The following RAP1GAP2 variants were observed in gnomAD, a reference collection of about 807,000 sequenced individuals.
RAP1GAP2 encodes the protein RAP1 GTPase activating protein 2.
RAP1GAP2 carries 27 observed loss-of-function variants against 95.0 expected under a neutral mutation model. The observed-to-expected ratio is 0.28, with a 90% CI of 0.21 to 0.39. The LOEUF (loss-of-function observed/expected upper bound fraction) is 0.39, where lower values mean the gene tolerates loss of function less well. Ranked by LOEUF, RAP1GAP2 falls within the 10% of genes least tolerant of loss-of-function variation. RAP1GAP2 has a pLI of 1.00. For missense variants in RAP1GAP2, 771 were observed against 970.0 expected (o/e 0.79, Z 2.72); for synonymous variants, 373 against 380.9 (o/e 0.98, Z 0.24).
At chr17:2,807,747 G>GA (rs1289091699) in intron 2 of RAP1GAP2, among the ~76,000 whole-genome samples, 1 of 152,140 alleles carries the variant, frequency 6.6e-6, no homozygotes, top group African/African-American at 2.4e-5. Flanking sequence ...GGGGCTGGGG[G>GA]AAGGCAGGCC....
At chr17:2,996,834 A>T (rs994053694) in intron 13 of RAP1GAP2, among the ~76,000 whole-genome samples, 1 of 152,232 alleles carries the variant, frequency 6.6e-6, no homozygotes, top group Non-Finnish European at 1.5e-5. Flanking sequence ...AGTGCCCAGC[A>T]CAGTGCTTGG....
intron 17 of RAP1GAP2, among the ~76,000 whole-genome samples, chr17:3,013,814 G>A (rs1039914888): frequency 1.3e-5 from 2 of 151,640 alleles, no homozygotes; most frequent in African/African-American, 4.8e-5. Context: ...CCTGCTATGT[G>A]GGCTTGGGCA....
intron 23 of RAP1GAP2, among the ~76,000 whole-genome samples, chr17:3,031,520 C>T (rs1050873518): frequency 1.3e-5 from 2 of 148,212 alleles, no homozygotes; most frequent in Admixed American, 1.3e-4. Flanking sequence ...TTTCTGAGCT[C>T]GCCAGACTAT....
chr17:2,987,945 C>G (rs2045612023), intron 11 of RAP1GAP2, among the ~76,000 whole-genome samples: 1 of 152,212 alleles, frequency 6.6e-6, no homozygotes, highest in African/African-American at 2.4e-5. Flanking sequence ...GTTTGCAGAG[C>G]CTTCAGCTGT....
chr17:2,830,942 TCCCTCCCTTCCCCTC>T (rs2070803737), intron 2 of RAP1GAP2, among the ~76,000 whole-genome samples: 3 of 112,256 alleles, frequency 2.7e-5, no homozygotes, highest in Admixed American at 9.0e-5. Flanking sequence ...CCACTCCCCT[TCCCTCCCTTCCCCTC>T]CCCTCCCCTT....
intron 11 of RAP1GAP2, among the ~76,000 whole-genome samples, chr17:2,989,676 T>A (rs2045687229): frequency 2.0e-5 from 3 of 151,972 alleles, no homozygotes; most frequent in Admixed American, 1.3e-4. Flanking sequence ...TTTTTTTTTT[T>A]AACTGTTGGG....
At chr17:2,966,707 G>A (rs1045213882) in intron 8 of RAP1GAP2, among the ~76,000 whole-genome samples, 1 of 152,130 alleles carries the variant, frequency 6.6e-6, no homozygotes, top group Non-Finnish European at 1.5e-5. Context: ...GCAAGGCATA[G>A]AAGAGTCAAT....
At chr17:2,771,229 T>C (rs985363770) in intron 2 of RAP1GAP2, among the ~76,000 whole-genome samples, 1 of 152,074 alleles carries the variant, frequency 6.6e-6, no homozygotes, top group African/African-American at 2.4e-5. Flanking sequence ...TTTGTCCGCC[T>C]CCTTTCCCAT....
chr17:2,957,047 G>A lies in RAP1GAP2; in HGVS notation c.166-712G>A, dbSNP rs530548013. Among the ~76,000 whole-genome samples, 4 of 151,488 alleles carry A rather than the reference G, an allele frequency of 2.6e-5. No individual in the cohort carries two copies. In the East Asian group the frequency reaches 7.8e-4, roughly 30 times the overall value. On this transcript the variant is annotated intron_variant, in intron 3 of 24. Coordinates refer to ENST00000254695, the MANE Select transcript of RAP1GAP2 (RefSeq NM_015085.5). ...GGAGGCTGAGGCAGGAGAATGGCGTGAACCCGGGAGGCGGAGGTTGCAGTG... is the reference window on the plus strand; with the variant it reads ...GGAGGCTGAGGCAGGAGAATGGCGTAAACCCGGGAGGCGGAGGTTGCAGTG...
chr17:2,784,242 G>A (rs973054669), intron 1 of RAP1GAP2, among the ~76,000 whole-genome samples: 2 of 151,324 alleles, frequency 1.3e-5, no homozygotes, highest in African/African-American at 4.9e-5. Flanking sequence ...CAAAGTGCTG[G>A]GATTACAGGC....
At chr17:2,983,632 T>A (rs934036516) in intron 10 of RAP1GAP2, among the ~76,000 whole-genome samples, 2 of 152,230 alleles carry the variant, frequency 1.3e-5, no homozygotes, top group Non-Finnish European at 2.9e-5. Flanking sequence ...TTAAAATAGC[T>A]TTAACAGTTA....
chr17:2,935,857 C>T (rs1311154562), intron 3 of RAP1GAP2, among the ~76,000 whole-genome samples: 1 of 152,152 alleles, frequency 6.6e-6, no homozygotes, highest in African/African-American at 2.4e-5. Flanking sequence ...CACCGGATTG[C>T]AGCTGCTGGA....
At chr17:3,021,057 A>G (rs1422324018) in intron 19 of RAP1GAP2, among the ~76,000 whole-genome samples, 7 of 152,350 alleles carry the variant, frequency 4.6e-5, no homozygotes, top group Non-Finnish European at 7.3e-5. Context: ...TTTTAAAAAA[A>G]TGAACACACA....
At chr17:2,822,938 C>A (rs2070374463) in intron 2 of RAP1GAP2, among the ~76,000 whole-genome samples, 1 of 152,078 alleles carries the variant, frequency 6.6e-6, no homozygotes, top group Non-Finnish European at 1.5e-5. Context: ...CATGGTGAAA[C>A]CCTGTCTCTA....
chr17:2,789,649 G>T (rs1316915065), intron 1 of RAP1GAP2, among the ~76,000 whole-genome samples: 1 of 150,208 alleles, frequency 6.7e-6, no homozygotes, highest in Non-Finnish European at 1.5e-5. Context: ...AGGCATGGTG[G>T]CGTGTACTGG....
At position 3,008,803 on chromosome 17, in the gene RAP1GAP2, C is replaced by T. The variant is rs139359121; in HGVS notation, c.1494+658C>T. Among the ~76,000 whole-genome samples the T allele has an allele frequency of 6.6e-3, 1,000 of 152,276 alleles. 7 individuals are homozygous for T. Among genetic ancestry groups the T allele is most frequent in the Non-Finnish European group, 0.01 (690 of 68,022 alleles). ...TGCTTGCTGAGTGCTTGTTGGTCCA[C>T]GCAGCACGTAGACCCAGCATCTGGC... On this transcript the variant is annotated intron_variant, in intron 17 of 24. Coordinates refer to ENST00000254695, the MANE Select transcript of RAP1GAP2 (RefSeq NM_015085.5). This position sits in a 1 kb window ranked among gnomAD's most constrained non-coding sequence, Gnocchi z 4.2.
chr17:3,012,605 C>CAAAAAAA (rs71377567), intron 17 of RAP1GAP2, among the ~76,000 whole-genome samples: 1 of 69,688 alleles, frequency 1.4e-5, no homozygotes, highest in East Asian at 4.9e-4. Flanking sequence ...GACTGTGTCT[C>CAAAAAAA]AAAAAAAAAA....
chr17:2,837,559 G>T (rs910941560), intron 2 of RAP1GAP2, among the ~76,000 whole-genome samples: 1 of 152,012 alleles, frequency 6.6e-6, no homozygotes, highest in South Asian at 2.1e-4. Flanking sequence ...GGATTTGGCG[G>T]AAGTCAGTGT....
At position 2,967,690 on chromosome 17, in the gene RAP1GAP2, C is replaced by A. The variant is rs1398044077; in HGVS notation, c.596+2047C>A. 6.6e-5 allele frequency among the ~76,000 whole-genome samples: 10 copies of A among 152,130 alleles called. No homozygotes were observed. The East Asian group carries it at 1.9e-3, about 29-fold the overall frequency. Reference sequence around the variant, plus strand: ...CATGTACTTGGAGTGATTGCCAGGCCAAATTGGAAACCAGACATAAGAAAT... The same window carrying A: ...CATGTACTTGGAGTGATTGCCAGGCAAAATTGGAAACCAGACATAAGAAAT... On this transcript the variant is annotated intron_variant, in intron 8 of 24. Coordinates refer to ENST00000254695, the MANE Select transcript of RAP1GAP2 (RefSeq NM_015085.5).
Sources: gnomAD v4.1 joint callset for allele counts (sites outside exome capture counted in the v4.1 genomes callset) on GRCh38, gnomAD v4.1.1 for gene constraint, Gnocchi (gnomAD v3.1) non-coding constraint, MANE v1.5 for transcripts, NCBI Gene and HGNC (gene_info 2026-07-23, HGNC 2026-07-21) for gene names.